ANK3: variants seen among roughly 807,000 people sequenced by gnomAD.
The protein encoded by ANK3 is ankyrin 3.
A neutral mutation model predicts 370.9 loss-of-function variants in ANK3; 57 were observed. The observed-to-expected ratio is 0.15, with a 90% CI of 0.12 to 0.19. The LOEUF is 0.19. Ranked by LOEUF, ANK3 falls within the 10% of genes least tolerant of loss-of-function variation. The pLI is 1.00. For synonymous variants in ANK3, 1,929 were observed against 1,946.3 expected, an observed-to-expected ratio of 0.99 and a Z score of 0.23; for missense variants, 4,439 against 5,302.1, an observed-to-expected ratio of 0.84 and a Z score of 5.06.
rs115800493 is a variant in ANK3, at chr10:60,433,366, T to C, written c.97-153727A>G. 1.9e-3 allele frequency among the ~76,000 whole-genome samples: 283 copies of C among 152,274 alleles called. 1 individual carries two copies. The highest frequency in any genetic ancestry group is 6.6e-3 in the African/African-American group (274 of 41,566). ...CTTAGAATAATGCTGAGAAACATTT[T>C]ATTCATGTACCCATTGAGTTTGAGA... On this transcript the variant is annotated intron_variant, in intron 2 of 43. Coordinates refer to the ANK3 transcript ENST00000373827.
intron 2 of ANK3, among the ~76,000 whole-genome samples, chr10:60,527,538 AT>A (rs1188418814): frequency 1.3e-5 from 2 of 152,102 alleles, no homozygotes; most frequent in Admixed American, 1.3e-4. Flanking sequence ...AGAAAATCAG[AT>A]TTTTTTCTGA....
chr10:60,259,999 C>T (rs147351064), intron 7 of ANK3, among the ~76,000 whole-genome samples: 3 of 152,288 alleles, frequency 2.0e-5, no homozygotes, highest in Admixed American at 6.5e-5. Flanking sequence ...AACTGACTGA[C>T]GCTCTCCAGT....
At chr10:60,473,743 C>T (rs369484347) in intron 2 of ANK3, among the ~76,000 whole-genome samples, 1 of 152,058 alleles carries the variant, frequency 6.6e-6, no homozygotes, top group Non-Finnish European at 1.5e-5. Context: ...GCTGGTTTAA[C>T]TTAGGGAGGG....
chr10:60,695,608 T>C (rs1054713529), intron 1 of ANK3, among the ~76,000 whole-genome samples: 1,978 of 152,226 alleles, frequency 0.013, 42 homozygotes, highest in African/African-American at 0.045. Context: ...CACTCAAAAC[T>C]GCTCAACTAC....
intron 13 of ANK3, among the ~76,000 whole-genome samples, chr10:60,199,001 G>A (rs535000122): frequency 5.3e-5 from 8 of 152,242 alleles, no homozygotes; most frequent in East Asian, 1.9e-4. Context: ...GTGGGGTTGC[G>A]CAGTATACCT....
intron 2 of ANK3, among the ~76,000 whole-genome samples, chr10:60,498,300 A>G (rs990270577): frequency 6.6e-6 from 1 of 152,212 alleles, no homozygotes; most frequent in African/African-American, 2.4e-5. Context: ...GCAGTTCAGT[A>G]AATATGTTGA....
At chr10:60,557,817 G>A (rs959252670) in intron 2 of ANK3, among the ~76,000 whole-genome samples, 2 of 152,068 alleles carry the variant, frequency 1.3e-5, no homozygotes, top group South Asian at 4.1e-4. Context: ...TAAACGGGGT[G>A]TTCTTTTAAA....
intron 1 of ANK3, among the ~76,000 whole-genome samples, chr10:60,699,299 G>C (rs1041502401): frequency 2.0e-5 from 3 of 151,930 alleles, no homozygotes; most frequent in Admixed American, 2.0e-4. Context: ...TTAAAAAAAA[G>C]ATTATAATAA....
At position 60,055,965 on chromosome 10, in the gene ANK3, CTTCCATTTG is replaced by C; in HGVS notation, c.12749_12757del (p.Ala4250_Ser4253delinsGly). 6.2e-7 allele frequency: 1 copy of C among 1,613,960 alleles called. No homozygotes were observed. The highest frequency in any genetic ancestry group is 8.5e-7 in the Non-Finnish European group (1 of 1,180,022). ...TGCTTCTGGAGTGATTTCTGTATGGCTTCCATTTGCTTCAAATTTGCCAGCTTCTCCTTT... is the reference window on the plus strand; with the variant it reads ...TGCTTCTGGAGTGATTTCTGTATGGCCTTCAAATTTGCCAGCTTCTCCTTT... On this transcript the variant is annotated inframe_deletion, in exon 42 of 44. Transcript: ENST00000280772.
intron 33 of ANK3, among the ~76,000 whole-genome samples, 200 bp from the exon 34 acceptor site, chr10:60,082,937 C>T (rs1380894126): frequency 1.3e-5 from 2 of 152,282 alleles, no homozygotes; most frequent in South Asian, 4.1e-4. Context: ...GATTCCTAAA[C>T]GCAGGATTGT....
intron 13 of ANK3, 129 bp from the exon 14 acceptor site, chr10:60,198,666 A>T: frequency 1.3e-6 from 1 of 770,468 alleles, no homozygotes; most frequent in Non-Finnish European, 2.2e-6. Context: ...TGCTAAAAAA[A>T]CTCATTTGTC....
chr10:60,573,990 T>A, intron 2 of ANK3, among the ~76,000 whole-genome samples: 1 of 152,166 alleles, frequency 6.6e-6, no homozygotes, highest in East Asian at 1.9e-4. Flanking sequence ...TTCAAATGAA[T>A]GTAAAACACA....
In ANK3 at chr10:60,061,105, T is replaced by G. The variant is rs190355931; in HGVS notation, c.12596-1675A>C. On this transcript the variant is annotated intron_variant, in intron 40 of 43. Coordinates refer to ENST00000280772, the MANE Select transcript of ANK3 (RefSeq NM_020987.5). ...GTTGGTCTACAAAATAAAAGTCTAATTTTTCCATCAGTCCCAGGTAAATAC... is the reference window on the plus strand; with the variant it reads ...GTTGGTCTACAAAATAAAAGTCTAAGTTTTCCATCAGTCCCAGGTAAATAC... Among the ~76,000 whole-genome samples, 459 of 152,300 alleles carry G rather than the reference T, an allele frequency of 3.0e-3. 16 individuals carry two copies. The highest frequency in any genetic ancestry group is 0.029 in the Admixed American group (438 of 15,292).
intron 2 of ANK3, among the ~76,000 whole-genome samples, chr10:60,396,944 C>A (rs1323330299): frequency 1.3e-5 from 2 of 152,076 alleles, no homozygotes; most frequent in African/African-American, 4.8e-5. Flanking sequence ...ATTTTTGCAT[C>A]CTTTTATGTT....
chr10:60,623,758 A>G (rs2078370785), intron 1 of ANK3, among the ~76,000 whole-genome samples: 2 of 152,330 alleles, frequency 1.3e-5, no homozygotes, highest in Admixed American at 6.5e-5. Context: ...CTTCACTCTT[A>G]GCACTCAGGC....
intron 40 of ANK3, among the ~76,000 whole-genome samples, chr10:60,060,996 G>C (rs2080333663): frequency 6.6e-6 from 1 of 152,160 alleles, no homozygotes; most frequent in Non-Finnish European, 1.5e-5. Flanking sequence ...ACAATGGTCT[G>C]GTCATGGTGA....
At chr10:60,144,967 C>T (rs1373488722) in intron 23 of ANK3, among the ~76,000 whole-genome samples, 1 of 152,106 alleles carries the variant, frequency 6.6e-6, no homozygotes, top group African/African-American at 2.4e-5. Flanking sequence ...TTTCTTCCCC[C>T]ACCCGATGTA....
chr10:60,426,415 T>C (rs1374508973), intron 2 of ANK3, among the ~76,000 whole-genome samples: 1 of 152,120 alleles, frequency 6.6e-6, no homozygotes, highest in Non-Finnish European at 1.5e-5. Flanking sequence ...TGTGTTTCTT[T>C]CTCATCTCAT....
chr10:60,540,077 G>A (rs546037153), intron 2 of ANK3, among the ~76,000 whole-genome samples: 5 of 151,770 alleles, frequency 3.3e-5, no homozygotes, highest in Non-Finnish European at 7.4e-5. Flanking sequence ...GAAAATGACA[G>A]GCTCCTTCAC....
Sources: allele counts gnomAD v4.1 joint callset (sites outside exome capture counted in the v4.1 genomes callset), GRCh38; gene constraint gnomAD v4.1.1; transcripts MANE v1.5; gene names NCBI Gene and HGNC (gene_info 2026-07-23, HGNC 2026-07-21).